ANXA8: variants seen among roughly 807,000 people sequenced by gnomAD.
ANXA8 encodes the protein VAC-beta.
Under a neutral mutation model 26.8 loss-of-function variants are expected in ANXA8, and 9 were observed. The ratio of observed to expected loss-of-function variants is 0.34; its 90% CI spans 0.20 to 0.59. The LOEUF (loss-of-function observed/expected upper bound fraction) is 0.59, where lower values mean the gene tolerates loss of function less well. ANXA8 is among the 20% of genes least tolerant of loss of function. ANXA8 has a pLI of 0.84. For missense variants in ANXA8, 83 were observed against 238.5 expected (o/e 0.35, Z 4.29); for synonymous variants, 39 against 94.8 (o/e 0.41, Z 3.42).
At chr10:47,565,171 C>T in the ANXA8 span, 20 of 718,024 alleles carry the variant, frequency 2.8e-5, no homozygotes, top group Admixed American at 7.8e-5. Context: ...AGCTGCTGGC[C>T]GCCGTGCAGG....
chr10:47,671,273 T>C, the ANXA8 span, among the ~76,000 whole-genome samples: 1 of 151,568 alleles, frequency 6.6e-6, no homozygotes, highest in African/African-American at 2.4e-5. Context: ...AAATGAAAAA[T>C]TAACCGGGCT....
At chr10:47,706,998 A>G in the ANXA8 span, among the ~76,000 whole-genome samples, 848 of 143,216 alleles carry the variant, frequency 5.9e-3, 24 homozygotes, top group African/African-American at 0.02. Context: ...TCTTAATATT[A>G]TGACCAAGAA....
chr10:47,701,976 C>A, the ANXA8 span, among the ~76,000 whole-genome samples: 7 of 150,410 alleles, frequency 4.7e-5, no homozygotes, highest in African/African-American at 1.5e-4. Context: ...ATAAATGCTG[C>A]AATCTAGTTA....
chr10:47,631,644 G>A, the ANXA8 span, among the ~76,000 whole-genome samples: 2 of 150,258 alleles, frequency 1.3e-5, no homozygotes, highest in Non-Finnish European at 2.9e-5. Flanking sequence ...GCACAAAATG[G>A]TAAATGCAAC....
upstream of ANXA8, among the ~76,000 whole-genome samples, chr10:47,488,396 C>T (rs1840083277): frequency 3.7e-5 from 5 of 135,254 alleles, no homozygotes; most frequent in Admixed American, 3.8e-4. Flanking sequence ...TTTTTAGTAG[C>T]AATGGGGTTT....
At chr10:47,980,354 TAAGA>T in the ANXA8 span, among the ~76,000 whole-genome samples, 1 of 151,224 alleles carries the variant, frequency 6.6e-6, no homozygotes, top group Non-Finnish European at 1.5e-5. Context: ...ACTTCCACCT[TAAGA>T]AAGTAGAAAA....
At chr10:47,600,346 C>T in the ANXA8 span, among the ~76,000 whole-genome samples, 5 of 150,230 alleles carry the variant, frequency 3.3e-5, no homozygotes, top group South Asian at 4.2e-4. Context: ...TAGCTCCGCT[C>T]TCTGGTCTGA....
At chr10:47,525,490 G>A in the ANXA8 span, among the ~76,000 whole-genome samples, 1 of 136,610 alleles carries the variant, frequency 7.3e-6, no homozygotes, top group African/African-American at 2.8e-5. Context: ...AACTGCCCCT[G>A]TGATCCAATC....
At chr10:47,689,465 T>C in the ANXA8 span, among the ~76,000 whole-genome samples, 4 of 151,946 alleles carry the variant, frequency 2.6e-5, no homozygotes, top group Admixed American at 6.5e-5. Context: ...TGTGAGCCAC[T>C]GCGCCCGGCC....
the ANXA8 span, among the ~76,000 whole-genome samples, chr10:47,552,229 T>C: frequency 6.7e-6 from 1 of 149,476 alleles, no homozygotes; most frequent in East Asian, 1.9e-4. Context: ...TCTGCAAGGA[T>C]GGAAATATTC....
chr10:47,687,962 T>C, the ANXA8 span, among the ~76,000 whole-genome samples: 3 of 151,698 alleles, frequency 2.0e-5, no homozygotes, highest in African/African-American at 7.3e-5. Context: ...TAGCTGGGCG[T>C]GGTGGTAGAC....
At chr10:47,958,961 T>G in the ANXA8 span, among the ~76,000 whole-genome samples, 1 of 150,272 alleles carries the variant, frequency 6.7e-6, no homozygotes, top group Non-Finnish European at 1.5e-5. Flanking sequence ...GATGAGGTTT[T>G]GGGTGGGGAC....
the ANXA8 span, among the ~76,000 whole-genome samples, chr10:47,976,584 T>G: frequency 7.1e-6 from 1 of 140,928 alleles, no homozygotes; most frequent in Non-Finnish European, 1.5e-5. Flanking sequence ...ATTAACATTC[T>G]CACAACCATG....
chr10:47,736,125 C>G, the ANXA8 span, among the ~76,000 whole-genome samples: 1 of 29,330 alleles, frequency 3.4e-5, no homozygotes, highest in Non-Finnish European at 6.6e-5. Flanking sequence ...GTCCCAGCTA[C>G]TCAGGAGGCT....
At chr10:47,585,707 G>A in the ANXA8 span, among the ~76,000 whole-genome samples, 1 of 126,962 alleles carries the variant, frequency 7.9e-6, no homozygotes, top group Non-Finnish European at 1.6e-5. Context: ...TTGGGGTTTT[G>A]AAGAGATTAT....
chr10:47,756,459 C>A, the ANXA8 span, among the ~76,000 whole-genome samples: 1 of 141,252 alleles, frequency 7.1e-6, no homozygotes, highest in South Asian at 2.5e-4. Flanking sequence ...CAGGAAAGTA[C>A]CCACGGCTCC....
chr10:47,952,187 T>C, the ANXA8 span, among the ~76,000 whole-genome samples: 1 of 151,512 alleles, frequency 6.6e-6, no homozygotes, highest in South Asian at 2.1e-4. Flanking sequence ...GTGAAAGACA[T>C]AATGTTTTCC....
the ANXA8 span, among the ~76,000 whole-genome samples, chr10:47,944,311 G>A: frequency 6.7e-6 from 1 of 148,474 alleles, no homozygotes; most frequent in South Asian, 2.1e-4. Context: ...TAGGATTTCA[G>A]CACATGCACT....
chr10:47,584,154 G>T, the ANXA8 span, among the ~76,000 whole-genome samples: 1 of 149,626 alleles, frequency 6.7e-6, no homozygotes, highest in Admixed American at 6.6e-5. Flanking sequence ...ACTCCAGCCT[G>T]GGCGAGAGGA....
Sources: allele counts gnomAD v4.1 joint callset (sites outside exome capture counted in the v4.1 genomes callset), GRCh38; gene constraint gnomAD v4.1.1; transcripts MANE v1.5; gene names NCBI Gene and HGNC (gene_info 2026-07-23, HGNC 2026-07-21).